Variants in FAM241A observed in about 807,000 individuals in gnomAD.
FAM241A encodes family with sequence similarity 241 member A.
FAM241A carries 7 observed loss-of-function variants against 12.2 expected under a neutral mutation model. The ratio of observed to expected loss-of-function variants is 0.58; its 90% CI spans 0.33 to 1.08. The LOEUF is 1.08. Ranked by LOEUF, FAM241A falls within the 50% of genes least tolerant of loss-of-function variation. The pLI, the probability that FAM241A is intolerant of heterozygous loss-of-function variation, is 0.04. For synonymous variants in FAM241A, 74 were observed against 68.2 expected (o/e 1.08, Z -0.42); for missense variants, 161 against 169.7 (o/e 0.95, Z 0.29).
rs1724222858 is a variant in FAM241A, at chr4:112,194,258, T to C, written c.*7320T>C. 6.6e-6 allele frequency: 1 copy of C among 150,844 alleles called. No homozygotes were observed. Among genetic ancestry groups the C allele is most frequent in the Admixed American group, 6.6e-5 (1 of 15,160 alleles). The allele number at this position is 150,844 out of a possible 1,614,324, so 9.3% of individuals were successfully genotyped here. ...TTAAGGAGATTTTGGGCTGAGACAA[T>C]GGGGTTTTCTAGATATACAATCATG... On this transcript the variant is annotated 3_prime_UTR_variant, in exon 2 of 2. Coordinates refer to ENST00000309733, the MANE Select transcript of FAM241A (RefSeq NM_152400.3).
At chr4:112,157,151 C>G (rs1434556498) in intron 1 of FAM241A, among the ~76,000 whole-genome samples, 3 of 152,044 alleles carry the variant, frequency 2.0e-5, no homozygotes, top group Non-Finnish European at 4.4e-5. Flanking sequence ...AGAGGGAACC[C>G]AGTAAATGTT....
chr4:112,152,539 C>G (rs1193654554), intron 1 of FAM241A, among the ~76,000 whole-genome samples: 21 of 152,154 alleles, frequency 1.4e-4, no homozygotes, highest in Non-Finnish European at 2.9e-4. Context: ...TCTAGCAGCT[C>G]CTCGTATGCA....
chr4:112,189,915 C>G lies in FAM241A; in HGVS notation c.*2977C>G, dbSNP rs925644124. 2.0e-5 allele frequency: 3 copies of G among 151,738 alleles called. No individual in the cohort carries two copies. Among genetic ancestry groups the G allele is most frequent in the African/African-American group, 4.8e-5 (2 of 41,264 alleles). The allele number at this position is 151,738 out of a possible 1,614,324, so 9.4% of individuals were successfully genotyped here. On this transcript the variant is annotated 3_prime_UTR_variant, in exon 2 of 2. Coordinates refer to ENST00000309733, the MANE Select transcript of FAM241A (RefSeq NM_152400.3). ...ATCAGCACACCCTAGAGGCCACATT[C>G]CCATTTCTATTCCTACAGATACGAA...
chr4:112,193,598 A>G lies in FAM241A; in HGVS notation c.*6660A>G, dbSNP rs1724209927. On this transcript the variant is annotated 3_prime_UTR_variant, in exon 2 of 2. Transcript: ENST00000309733. Reference sequence around the variant, plus strand: ...CAGTTTTCCCAGCACCATTTATTCAATAGGGAATCCTTTCCCCATTGCTTG... The same window carrying G: ...CAGTTTTCCCAGCACCATTTATTCAGTAGGGAATCCTTTCCCCATTGCTTG... The G allele has an allele frequency of 6.6e-6, 1 of 152,242 alleles. No homozygotes were observed. The highest frequency in any genetic ancestry group is 2.4e-5 in the African/African-American group (1 of 41,468). The allele number at this position is 152,242 out of a possible 1,614,324, so 9.4% of individuals were successfully genotyped here.
rs116166569 is a variant in FAM241A, at chr4:112,183,943, A to C, written c.154-2750A>C. Among the ~76,000 whole-genome samples the C allele has an allele frequency of 4.6e-3, 703 of 152,286 alleles. 5 individuals are homozygous for C. Among genetic ancestry groups the C allele is most frequent in the African/African-American group, 0.016 (684 of 41,558 alleles). ...AGTACAAGAAACATAAAATTGACCC[A>C]GTCATAATATATCAGTGAAGGAAAA... is the stretch of plus-strand genomic sequence containing the variant. On this transcript the variant is annotated intron_variant, in intron 1 of 1. Transcript: ENST00000309733.
Position 112,145,688 on chromosome 4 carries a change from G to A in FAM241A, c.108G>A (p.Gly36=), listed in dbSNP as rs1723120965. Residue 36 remains glycine, a synonymous_variant, in exon 1 of 2, where the codon GGG becomes GGA. Transcript: ENST00000309733. The part of the protein sequence containing the change: ...REAAGTGWDP[G]ASPRRRGQRP... ...CGGCAGGGACCGGGTGGGATCCCGG[G>A]GCGAGCCCGCGGCGGCGCGGACAGC... The A allele has an allele frequency of 8.3e-7, 1 of 1,208,534 alleles. No homozygotes were observed. Among genetic ancestry groups the A allele is most frequent in the Non-Finnish European group, 1.0e-6 (1 of 972,614 alleles). 74.9% of individuals were successfully genotyped at this position (1,208,534 alleles called of 1,614,324 possible). A position where few individuals can be genotyped will look rare whatever the true frequency, so the allele number is the denominator to read the frequency against.
chr4:112,165,807 A>G (rs1723583393), intron 1 of FAM241A, among the ~76,000 whole-genome samples: 1 of 152,194 alleles, frequency 6.6e-6, no homozygotes, highest in African/African-American at 2.4e-5. Flanking sequence ...ATGGTTACAA[A>G]AAGAATGGAA....
intron 1 of FAM241A, among the ~76,000 whole-genome samples, chr4:112,164,355 A>C (rs1723549482): frequency 1.3e-5 from 2 of 151,474 alleles, no homozygotes; most frequent in African/African-American, 4.9e-5. Flanking sequence ...AAGGACAGAA[A>C]ACCAAACACT....
intron 1 of FAM241A, among the ~76,000 whole-genome samples, chr4:112,155,426 T>C (rs1425665502): frequency 6.6e-6 from 1 of 152,112 alleles, no homozygotes; most frequent in African/African-American, 2.4e-5. Flanking sequence ...ATCTTTTTTC[T>C]TTTATTGGGT....
intron 1 of FAM241A, among the ~76,000 whole-genome samples, chr4:112,149,570 C>T (rs1022314695): frequency 5.9e-5 from 9 of 152,170 alleles, no homozygotes; most frequent in African/African-American, 2.2e-4. Context: ...GTCAATGAGT[C>T]AAACTCTTTG....
chr4:112,147,091 A>C lies in FAM241A; in HGVS notation c.153+1358A>C, dbSNP rs189877345. Among the ~76,000 whole-genome samples the C allele has an allele frequency of 1.7e-4, 26 of 152,374 alleles. No homozygotes were observed. The East Asian group carries it at 4.4e-3, about 26-fold the overall frequency. On this transcript the variant is annotated intron_variant, in intron 1 of 1. Coordinates refer to ENST00000309733, the MANE Select transcript of FAM241A (RefSeq NM_152400.3). The stretch of plus-strand genomic sequence containing the variant: ...TTTTCAAATAGTTGTAAGGGAGCAT[A>C]TAAAAATACTTCATTTAAGCTTCTG...
intron 1 of FAM241A, among the ~76,000 whole-genome samples, chr4:112,185,156 A>G (rs980514785): frequency 6.6e-6 from 1 of 152,242 alleles, no homozygotes; most frequent in Middle Eastern, 3.4e-3. Context: ...TATTTGAATC[A>G]TGCCTCCTAA....
intron 1 of FAM241A, chr4:112,171,275 C>T: frequency 1.3e-6 from 1 of 753,558 alleles, no homozygotes. Context: ...AGCACCAACC[C>T]CACAAAATGA....
intron 1 of FAM241A, among the ~76,000 whole-genome samples, chr4:112,186,120 A>G (rs555751790): frequency 6.6e-6 from 1 of 152,162 alleles, no homozygotes; most frequent in African/African-American, 2.4e-5. Flanking sequence ...CTGGGATACT[A>G]ACTACTGGGT....
intron 1 of FAM241A, among the ~76,000 whole-genome samples, chr4:112,186,099 G>A (rs1427451033): frequency 6.6e-6 from 1 of 151,956 alleles, no homozygotes; most frequent in East Asian, 1.9e-4. Flanking sequence ...TTGGGTGCAT[G>A]TAGACATTTT....
At chr4:112,182,584 T>G (rs1723961813) in intron 1 of FAM241A, among the ~76,000 whole-genome samples, 1 of 152,122 alleles carries the variant, frequency 6.6e-6, no homozygotes, top group Non-Finnish European at 1.5e-5. Context: ...GTGCAGGCCT[T>G]TACCTCAACT....
chr4:112,172,725 T>C (rs1451671904), intron 1 of FAM241A, among the ~76,000 whole-genome samples: 1 of 152,230 alleles, frequency 6.6e-6, no homozygotes, highest in Non-Finnish European at 1.5e-5. Context: ...TCTAATACTT[T>C]ATAGGTACCA....
At chr4:112,183,807 C>T (rs1184391838) in intron 1 of FAM241A, among the ~76,000 whole-genome samples, 1 of 151,854 alleles carries the variant, frequency 6.6e-6, no homozygotes, top group Non-Finnish European at 1.5e-5. Flanking sequence ...AGCAGAATTA[C>T]ATACTAAATC....
At position 112,186,957 on chromosome 4, in the gene FAM241A, T is replaced by C. The variant is rs1293824925; in HGVS notation, c.*19T>C. The C allele has an allele frequency of 6.2e-7, 1 of 1,604,218 alleles. No individual in the cohort carries two copies. The highest frequency in any genetic ancestry group is 1.3e-5 in the African/African-American group (1 of 74,630). On this transcript the variant is annotated 3_prime_UTR_variant, in exon 2 of 2. Transcript: ENST00000309733. ...ACAGTAAAACATGGCCGAATTGAATTGTTTGACATTTGGTAGCCATATATG... is the reference window on the plus strand; with the variant it reads ...ACAGTAAAACATGGCCGAATTGAATCGTTTGACATTTGGTAGCCATATATG...
Sources: gnomAD v4.1 joint callset for allele counts (sites outside exome capture counted in the v4.1 genomes callset) on GRCh38, gnomAD v4.1.1 for gene constraint, MANE v1.5 for transcripts, NCBI Gene and HGNC (gene_info 2026-07-23, HGNC 2026-07-21) for gene names.